The following TBC1D12 variants were observed in gnomAD, a reference collection of about 807,000 sequenced individuals.
The protein encoded by TBC1D12 is TBC1 domain family, member 12.
Under a neutral mutation model 86.7 loss-of-function variants are expected in TBC1D12, and 56 were observed. That is an observed-to-expected ratio of 0.65 (90% CI 0.52 to 0.81). The LOEUF (loss-of-function observed/expected upper bound fraction) is 0.81, where lower values mean the gene tolerates loss of function less well. TBC1D12 is among the 30% of genes least tolerant of loss of function. The pLI is 0.00. For missense variants in TBC1D12, 1,023 were observed against 1,038.8 expected (o/e 0.98, Z 0.21); for synonymous variants, 421 against 411.7 (o/e 1.02, Z -0.27).
chr10:94,454,980 G>T (rs2055606020), intron 2 of TBC1D12, among the ~76,000 whole-genome samples: 1 of 152,160 alleles, frequency 6.6e-6, no homozygotes, highest in Non-Finnish European at 1.5e-5. Flanking sequence ...ACAGCTTCTA[G>T]TTTCTCACCA....
intron 8 of TBC1D12, among the ~76,000 whole-genome samples, chr10:94,510,467 T>C (rs894749907): frequency 6.6e-6 from 1 of 152,202 alleles, no homozygotes; most frequent in African/African-American, 2.4e-5. Flanking sequence ...TTTTGTAAGA[T>C]ATATGAATTC....
chr10:94,516,116 G>A (rs1374912253), intron 9 of TBC1D12, among the ~76,000 whole-genome samples: 1 of 152,182 alleles, frequency 6.6e-6, no homozygotes, highest in East Asian at 1.9e-4. Context: ...GGGGAAAGTG[G>A]AGGACTACTG....
At chr10:94,416,828 T>C (rs906713590) in intron 1 of TBC1D12, among the ~76,000 whole-genome samples, 2 of 151,992 alleles carry the variant, frequency 1.3e-5, no homozygotes, top group African/African-American at 4.8e-5. Flanking sequence ...AGAAGAGGGT[T>C]TGGGTTAGAA....
intron 1 of TBC1D12, among the ~76,000 whole-genome samples, chr10:94,439,414 G>A (rs978408957): frequency 2.6e-5 from 4 of 152,200 alleles, no homozygotes; most frequent in Non-Finnish European, 5.9e-5. Flanking sequence ...TGTCTGGCCT[G>A]TGTGGGGCTT....
chr10:94,458,794 G>T (rs572499499), intron 2 of TBC1D12, among the ~76,000 whole-genome samples: 1 of 152,002 alleles, frequency 6.6e-6, no homozygotes, highest in Non-Finnish European at 1.5e-5. Context: ...GGAGTTGTTC[G>T]TACCTTCCAT....
intron 4 of TBC1D12, among the ~76,000 whole-genome samples, chr10:94,494,022 T>G (rs544096279): frequency 1.2e-4 from 19 of 152,062 alleles, no homozygotes; most frequent in Admixed American, 2.0e-4. Flanking sequence ...TTAATAATTT[T>G]AACTTTCTAT....
At chr10:94,489,862 G>A (rs547352007) in intron 3 of TBC1D12, among the ~76,000 whole-genome samples, 1 of 152,288 alleles carries the variant, frequency 6.6e-6, no homozygotes, top group South Asian at 2.1e-4. Flanking sequence ...AGCACTGTGT[G>A]TGGTGTCCCA....
intron 1 of TBC1D12, among the ~76,000 whole-genome samples, chr10:94,418,569 AT>A (rs1193674706): frequency 6.0e-5 from 9 of 150,970 alleles, no homozygotes; most frequent in Non-Finnish European, 7.4e-5. Flanking sequence ...TATTATTATT[AT>A]TATTATTATT....
chr10:94,439,058 C>T (rs1228930867), intron 1 of TBC1D12, among the ~76,000 whole-genome samples: 1 of 152,134 alleles, frequency 6.6e-6, no homozygotes, highest in Non-Finnish European at 1.5e-5. Context: ...CCCGCCTCAG[C>T]CTCCCAAAGT....
intron 1 of TBC1D12, 109 bp downstream of exon 1, chr10:94,403,693 G>C (rs1261691513): frequency 2.3e-6 from 3 of 1,307,286 alleles, no homozygotes; most frequent in East Asian, 3.0e-5. Context: ...GAGCTTGGTC[G>C]GCCGCTTCCG....
At chr10:94,500,056 C>T (rs1467356162) in intron 5 of TBC1D12, among the ~76,000 whole-genome samples, 165 bp from the exon 6 acceptor site, 1 of 152,070 alleles carries the variant, frequency 6.6e-6, no homozygotes, top group Non-Finnish European at 1.5e-5. Context: ...GCTGTTGTTG[C>T]CTGCAAGCAT....
At chr10:94,491,713 C>A (rs1232539640) in intron 3 of TBC1D12, among the ~76,000 whole-genome samples, 4 of 152,176 alleles carry the variant, frequency 2.6e-5, no homozygotes, top group Non-Finnish European at 5.9e-5. Flanking sequence ...ATATACACTA[C>A]CCATCTGGTA....
intron 1 of TBC1D12, among the ~76,000 whole-genome samples, chr10:94,437,126 G>T (rs948491758): frequency 4.6e-5 from 7 of 151,962 alleles, no homozygotes; most frequent in Admixed American, 2.0e-4. Flanking sequence ...TTTCTGAAGA[G>T]AAATAAGCTG....
chr10:94,532,840 G>T (rs573676665), intron 12 of TBC1D12, among the ~76,000 whole-genome samples, 188 bp from the exon 13 acceptor site: 1 of 151,926 alleles, frequency 6.6e-6, no homozygotes, highest in South Asian at 2.1e-4. Context: ...GTTGGCAATT[G>T]GTAAAAATTG....
At position 94,533,074 on chromosome 10, in the gene TBC1D12, G is replaced by A; in HGVS notation, c.2306G>A (p.Ser769Asn). 6.3e-7 allele frequency: 1 copy of A among 1,595,476 alleles called. No homozygotes were observed. The highest frequency in any genetic ancestry group is 8.5e-7 in the Non-Finnish European group (1 of 1,171,252). ...GATATTAAAGAAGGAGACAAGAACAGTAGTCCTGCTTTGAAAAGCTAGTCT... is the reference window on the plus strand; with the variant it reads ...GATATTAAAGAAGGAGACAAGAACAATAGTCCTGCTTTGAAAAGCTAGTCT... ...MKDIKEGDKN[S>N]SPALKS is the part of the protein sequence containing the mutation. The change falls in exon 13 of 13, where the codon AGT becomes AAT. Residue 769 changes from serine (S) to asparagine (N), a missense_variant. This residue lies in a region of TBC1D12 where 395 missense variants were observed against 507.7 expected (regional missense o/e 0.78). Transcript: ENST00000225235.
chr10:94,517,522 C>G (rs1246820394), intron 9 of TBC1D12, among the ~76,000 whole-genome samples: 2 of 150,834 alleles, frequency 1.3e-5, no homozygotes, highest in Non-Finnish European at 3.0e-5. Context: ...TTTTTTTTAC[C>G]CTGGCTGCAG....
intron 3 of TBC1D12, among the ~76,000 whole-genome samples, chr10:94,476,860 T>C (rs1168910694): frequency 6.6e-6 from 1 of 152,218 alleles, no homozygotes; most frequent in Non-Finnish European, 1.5e-5. Context: ...TTTTATCTTA[T>C]TTCTACTTCT....
At chr10:94,524,104 T>C (rs1051324374) in intron 11 of TBC1D12, among the ~76,000 whole-genome samples, 2 of 152,242 alleles carry the variant, frequency 1.3e-5, no homozygotes, top group African/African-American at 2.4e-5. Context: ...GTGTTCCTAA[T>C]AGGCATACAG....
chr10:94,523,179 C>T (rs1395313713), intron 11 of TBC1D12, among the ~76,000 whole-genome samples: 1 of 106,146 alleles, frequency 9.4e-6, no homozygotes, highest in Non-Finnish European at 1.7e-5. Flanking sequence ...GACAACAGAG[C>T]GAAACTCTAT....
Sources: allele counts gnomAD v4.1 joint callset (sites outside exome capture counted in the v4.1 genomes callset), GRCh38; gene constraint gnomAD v4.1.1; regional missense constraint gnomAD v4.1.1; transcripts MANE v1.5; gene names NCBI Gene and HGNC (gene_info 2026-07-23, HGNC 2026-07-21).